The following SLC44A4 variants were observed in gnomAD, a reference collection of about 807,000 sequenced individuals.
SLC44A4 encodes the protein choline transporter-like protein 4.
Under a neutral mutation model 97.0 loss-of-function variants are expected in SLC44A4, and 74 were observed. That is an observed-to-expected ratio of 0.76 (90% CI 0.63 to 0.93). SLC44A4 has a LOEUF of 0.93. Ranked by LOEUF, SLC44A4 falls within the 40% of genes least tolerant of loss-of-function variation. SLC44A4 has a pLI of 0.00. For synonymous variants in SLC44A4, 325 were observed against 363.8 expected (o/e 0.89, Z 1.21); for missense variants, 799 against 902.9 (o/e 0.88, Z 1.48).
rs1763496688 is a variant in SLC44A4, at chr6:31,877,227, T to C, written c.41-145A>G. On this transcript the variant is annotated intron_variant, in intron 1 of 20. Transcript: ENST00000229729. This position sits in a 1 kb window ranked among gnomAD's most constrained non-coding sequence, Gnocchi z 6.5. Reference sequence around the variant, plus strand: ...GGCAGGACTGGCAGGAGGGGAAAACTGGGGAGCAGGAAAGGTAGGATCCAG... The same window carrying C: ...GGCAGGACTGGCAGGAGGGGAAAACCGGGGAGCAGGAAAGGTAGGATCCAG... 1 of 804,748 alleles carries C rather than the reference T, an allele frequency of 1.2e-6. No homozygotes were observed. Among genetic ancestry groups the C allele is most frequent in the East Asian group, 2.7e-5 (1 of 36,936 alleles). 49.9% of individuals were successfully genotyped at this position (804,748 alleles called of 1,614,324 possible).
chr6:31,873,259 T>G lies in SLC44A4; in HGVS notation c.529+1201A>C, dbSNP rs574307841. Among the ~76,000 whole-genome samples, 918 of 151,710 alleles carry G rather than the reference T, an allele frequency of 6.1e-3. 2 individuals carry two copies. Among genetic ancestry groups the G allele is most frequent in the Non-Finnish European group, 0.011 (717 of 67,924 alleles). Reference sequence around the variant, plus strand: ...GATCTTGGCTCACTGCAAAGCTCACTGCAACCTCTGCCACCCGGGTTCAAG... The same window carrying G: ...GATCTTGGCTCACTGCAAAGCTCACGGCAACCTCTGCCACCCGGGTTCAAG... On this transcript the variant is annotated intron_variant, in intron 7 of 20. Transcript: ENST00000229729.
chr6:31,866,183 C>G (rs1383770760), intron 13 of SLC44A4, 57 bp from the exon 14 acceptor site: 4 of 1,579,464 alleles, frequency 2.5e-6, no homozygotes, highest in Non-Finnish European at 2.6e-6. Flanking sequence ...CAGTATGGAG[C>G]CTGGGCGTCC....
In SLC44A4 at chr6:31,876,204, G is replaced by A. The variant is rs972859459; in HGVS notation, c.90-75C>T. The A allele has an allele frequency of 1.5e-5, 18 of 1,187,904 alleles. No individual in the cohort carries two copies. In the African/African-American group the frequency reaches 2.6e-4, roughly 17 times the overall value. 73.6% of individuals were successfully genotyped at this position (1,187,904 alleles called of 1,614,324 possible). ...AGGGCTTATGGTCTGGAGGGGTTAA[G>A]GGTTAGAGAGTTGGGTGATGCTGCA... On this transcript the variant is annotated intron_variant, in intron 2 of 20. Coordinates refer to ENST00000229729, the MANE Select transcript of SLC44A4 (RefSeq NM_025257.3). The surrounding 1 kb of genome is among the most constrained non-coding windows in gnomAD (Gnocchi z 4.8).
At chr6:31,871,277 G>A (rs1562451393) in intron 9 of SLC44A4, 37 bp downstream of exon 9, 3 of 1,585,722 alleles carry the variant, frequency 1.9e-6, no homozygotes, top group East Asian at 4.5e-5. Context: ...GGAGGAAGAA[G>A]GCAAGGACAC....
At position 31,869,196 on chromosome 6, in the gene SLC44A4, C is replaced by T. The variant is rs756335610; in HGVS notation, c.1192G>A (p.Gly398Ser). Reference sequence around the variant, plus strand: ...GTATTTATTGGCACTTTCTCACAGCCGGGGGAGCTGATGTTGGATGCCCAG... The same window carrying T: ...GTATTTATTGGCACTTTCTCACAGCTGGGGGAGCTGATGTTGGATGCCCAG... ...VLWASNISSP[G>S]CEKVPINTSC... The change falls in exon 13 of 21, where the codon GGC (glycine) becomes AGC (serine). Residue 398 changes from glycine (G) to serine (S), a missense_variant. Around this residue, in one of 3 missense-constraint regions of SLC44A4, gnomAD observed 379 missense variants for 438.3 expected, o/e 0.86. Transcript: ENST00000229729. The T allele has an allele frequency of 1.7e-5, 28 of 1,610,890 alleles. No individual in the cohort carries two copies. Among genetic ancestry groups the T allele is most frequent in the Non-Finnish European group, 2.3e-5 (27 of 1,179,148 alleles).
chr6:31,871,733 C>T (rs1040113600), intron 7 of SLC44A4, among the ~76,000 whole-genome samples, 172 bp from the exon 8 acceptor site: 6 of 152,140 alleles, frequency 3.9e-5, no homozygotes, highest in African/African-American at 4.8e-5. Flanking sequence ...GGAGCCCAGT[C>T]TATCCCCTGC....
At position 31,878,920 on chromosome 6, in the gene SLC44A4, C is replaced by A. The variant is rs750231560; in HGVS notation, c.40+21G>T. The A allele has an allele frequency of 6.2e-7, 1 of 1,613,592 alleles. No individual in the cohort carries two copies. ...GTCCTCCCCTCCCTCCACAGGGTCC[C>A]GGGCCTCGCCCCAGTCTCACCGTAG... On this transcript the variant is annotated intron_variant, in intron 1 of 20. Transcript: ENST00000229729. This position sits in a 1 kb window ranked among gnomAD's most constrained non-coding sequence, Gnocchi z 4.0.
chr6:31,872,242 T>G (rs1763214967), intron 7 of SLC44A4, among the ~76,000 whole-genome samples: 1 of 152,100 alleles, frequency 6.6e-6, no homozygotes, highest in Non-Finnish European at 1.5e-5. Flanking sequence ...ATTTATTTAT[T>G]TTCTTATTTT....
At chr6:31,875,411 A>T (rs545688575) in intron 4 of SLC44A4, among the ~76,000 whole-genome samples, 1 of 152,298 alleles carries the variant, frequency 6.6e-6, no homozygotes, top group Non-Finnish European at 1.5e-5. Flanking sequence ...GAACATAGTA[A>T]ATGCTATATA....
chr6:31,874,738 C>T lies in SLC44A4; in HGVS notation c.451G>A (p.Gly151Arg), dbSNP rs1305247285. Residue 151 changes from glycine to arginine, a missense_variant, in exon 6 of 21, where the codon GGG becomes AGG. By Grantham distance (125) the Gly-to-Arg change is moderately radical. This residue lies in a region of SLC44A4 where 409 missense variants were observed against 434.1 expected (regional missense o/e 0.94). Coordinates refer to ENST00000229729, the MANE Select transcript of SLC44A4 (RefSeq NM_025257.3). The surrounding 1 kb of genome is among the most constrained non-coding windows in gnomAD (Gnocchi z 4.8). The part of the protein sequence containing the change: ...YTKNRNFCLP[G>R]VPWNMTVITS... ...ATATTCACCATATTCCAGGGTACCC[C>T]TGGCAGACAAAAGTTCCTGTTTTTT... 3.3e-5 allele frequency: 54 copies of T among 1,612,476 alleles called. No individual in the cohort carries two copies. Among genetic ancestry groups the T allele is most frequent in the Non-Finnish European group, 4.6e-5 (54 of 1,179,268 alleles).
At position 31,875,751 on chromosome 6, in the gene SLC44A4, T is replaced by G. The variant is rs951513529; in HGVS notation, c.242+101A>C. ...GGGTGGGGACAGCAGGGAAAGGCTG[T>G]GGAAGAGCACGGACAGGTCTGGAGC... On this transcript the variant is annotated intron_variant, in intron 4 of 20. Transcript: ENST00000229729. 186 of 1,075,620 alleles carry G rather than the reference T, an allele frequency of 1.7e-4. 1 individual carries two copies. Among genetic ancestry groups the G allele is most frequent in the Non-Finnish European group, 2.4e-4 (175 of 735,622 alleles). The allele number at this position is 1,075,620 out of a possible 1,614,324, so 66.6% of individuals were successfully genotyped here.
Position 31,871,481 on chromosome 6 carries a change from C to A in SLC44A4, c.610G>T (p.Gly204Trp), listed in dbSNP as rs1420629198. 6.2e-7 allele frequency: 1 copy of A among 1,613,834 alleles called. No homozygotes were observed. The highest frequency in any genetic ancestry group is 1.3e-5 in the African/African-American group (1 of 74,854). Residue 204 changes from glycine to tryptophan, a missense_variant, in exon 8 of 21, where the codon GGG (glycine) becomes TGG (tryptophan). This residue lies in a region of SLC44A4 where 409 missense variants were observed against 434.1 expected (regional missense o/e 0.94). Transcript: ENST00000229729. The part of the protein sequence containing the change: ...GITNDTTIQQ[G>W]ISGLIDSLNA... Reference sequence around the variant, plus strand: ...GGGGAGGGAGGTGCCTACCTGATCCCCTGCTGTATGGTGGTGTCATTGGTG... The same window carrying A: ...GGGGAGGGAGGTGCCTACCTGATCCACTGCTGTATGGTGGTGTCATTGGTG...
Position 31,863,731 on chromosome 6 carries a change from T to C in SLC44A4, c.2029A>G (p.Asn677Asp), listed in dbSNP as rs1321213938. Residue 677 changes from asparagine to aspartate, a missense_variant, in exon 21 of 21, where the codon AAC (asparagine) becomes GAC (aspartate). Physicochemically the swap from Asn to Asp is conservative, Grantham distance 23. This residue lies in a region of SLC44A4 where 379 missense variants were observed against 438.3 expected (regional missense o/e 0.86). Transcript: ENST00000229729. ...TAGGGCCGGTCCAGGGAGCCGTTGT[T>C]CCGCTCCAGGTCTTCCACTGAGCCG... ...FLCFLEDLER[N>D]NGSLDRPYYM... is the part of the protein sequence containing the mutation. The C allele has an allele frequency of 6.2e-7, 1 of 1,612,460 alleles. No individual in the cohort carries two copies. The highest frequency in any genetic ancestry group is 8.5e-7 in the Non-Finnish European group (1 of 1,179,812).
intron 12 of SLC44A4, 25 bp from the exon 13 acceptor site, chr6:31,869,282 G>C (rs1231741810): frequency 6.4e-7 from 1 of 1,562,222 alleles, no homozygotes; most frequent in African/African-American, 1.4e-5. Context: ...AGGAAAGCAT[G>C]ATCACACGAG....
In SLC44A4 at chr6:31,878,941, C is replaced by T. The variant is rs776196883; in HGVS notation, c.40G>A (p.Gly14Arg). ...GTCCCGGGCCTCGCCCCAGTCTCAC[C>T]GTAGGCCTCGTCATCCTCGTCCCGC... ...KQRDEDDEAY[G>R]KPVKYDPSFR... is the part of the protein sequence containing the mutation. The change falls in exon 1 of 21, where the codon GGG (glycine) becomes AGG (arginine). Residue 14 changes from glycine (G) to arginine (R), a missense_variant and splice_region_variant. Physicochemically the swap from Gly to Arg is moderately radical, Grantham distance 125. Coordinates refer to ENST00000229729, the MANE Select transcript of SLC44A4 (RefSeq NM_025257.3). This position sits in a 1 kb window ranked among gnomAD's most constrained non-coding sequence, Gnocchi z 4.0. 19 of 1,613,468 alleles carry T rather than the reference C, an allele frequency of 1.2e-5. No individual in the cohort carries two copies. Among genetic ancestry groups the T allele is most frequent in the Middle Eastern group, 1.6e-4 (1 of 6,080 alleles).
At chr6:31,875,288 T>C (rs1163298461) in intron 4 of SLC44A4, among the ~76,000 whole-genome samples, 1 of 152,216 alleles carries the variant, frequency 6.6e-6, no homozygotes, top group African/African-American at 2.4e-5. Flanking sequence ...ATCATCTTTA[T>C]GATCTTGAGC....
rs758234324 is a variant in SLC44A4 at position 31,865,610 on chromosome 6, G to A, written c.1583-9C>T. On this transcript the variant is annotated splice_polypyrimidine_tract_variant and intron_variant, in intron 15 of 20. Coordinates refer to ENST00000229729, the MANE Select transcript of SLC44A4 (RefSeq NM_025257.3). The surrounding 1 kb of genome is among the most constrained non-coding windows in gnomAD (Gnocchi z 5.2). ...TACAGGGTTCTGCACTCCTGGGAGC[G>A]AGGAAGGCTCATGTTTGGTCACTGC... The A allele has an allele frequency of 1.4e-5, 23 of 1,606,618 alleles. No individual in the cohort carries two copies. The African/African-American group carries it at 1.7e-4, about 12-fold the overall frequency.
chr6:31,863,521 G>T lies in SLC44A4; in HGVS notation c.*106C>A. 1.4e-6 allele frequency: 2 copies of T among 1,449,220 alleles called. No individual in the cohort carries two copies. The highest frequency in any genetic ancestry group is 9.1e-7 in the Non-Finnish European group (1 of 1,094,864). 89.8% of individuals were successfully genotyped at this position (1,449,220 alleles called of 1,614,324 possible). ...ATTACAGGCGTGAGCCACGGCGCCT[G>T]GCCTAAAACCTTTTTTTACCACAAA... On this transcript the variant is annotated 3_prime_UTR_variant, in exon 21 of 21. Coordinates refer to ENST00000229729, the MANE Select transcript of SLC44A4 (RefSeq NM_025257.3).
chr6:31,876,124 C>T lies in SLC44A4; in HGVS notation c.95G>A (p.Cys32Tyr), dbSNP rs1763432167. The T allele has an allele frequency of 6.2e-7, 1 of 1,612,984 alleles. No homozygotes were observed. Among genetic ancestry groups the T allele is most frequent in the Non-Finnish European group, 8.5e-7 (1 of 1,179,360 alleles). The change falls in exon 3 of 21, where the codon TGC becomes TAC. Residue 32 changes from cysteine (C) to tyrosine (Y), a missense_variant. Around this residue, in one of 3 missense-constraint regions of SLC44A4, gnomAD observed 409 missense variants for 434.1 expected, o/e 0.94. Coordinates refer to ENST00000229729, the MANE Select transcript of SLC44A4 (RefSeq NM_025257.3). This position sits in a 1 kb window ranked among gnomAD's most constrained non-coding sequence, Gnocchi z 4.8. The part of the protein sequence containing the change: ...SFRGPIKNRS[C>Y]TDVICCVLFL... ...GAGGACGCAGCAGATGACATCTGTG[C>T]AGCTTCTGAGAGAGAAACGAAACGG... is the stretch of plus-strand genomic sequence containing the variant.
Sources: gnomAD v4.1 joint callset for allele counts (sites outside exome capture counted in the v4.1 genomes callset) on GRCh38, gnomAD v4.1.1 for gene constraint, gnomAD v4.1.1 regional missense constraint, Gnocchi (gnomAD v3.1) non-coding constraint, MANE v1.5 for transcripts, NCBI Gene and HGNC (gene_info 2026-07-23, HGNC 2026-07-21) for gene names.